Variants in ATP8A2 observed in about 807,000 individuals in gnomAD.
The protein encoded by ATP8A2 is ATPase phospholipid transporting 8A2, also known as phospholipid-transporting ATPase IB.
In ATP8A2, 100 loss-of-function variants were observed where a neutral mutation model predicts 165.6. That is an observed-to-expected ratio of 0.60 (90% CI 0.51 to 0.71). The LOEUF is 0.71. ATP8A2 is among the 30% of genes least tolerant of loss of function. The pLI is 0.00. For synonymous variants in ATP8A2, 543 were observed against 548.8 expected, an observed-to-expected ratio of 0.99 and a Z score of 0.15; for missense variants, 1,227 against 1,479.5, an observed-to-expected ratio of 0.83 and a Z score of 2.80.
intron 24 of ATP8A2, among the ~76,000 whole-genome samples, chr13:25,646,921 T>A (rs1771951403): frequency 6.6e-6 from 1 of 152,206 alleles, no homozygotes; most frequent in South Asian, 2.1e-4. Context: ...TTGTAGTTAC[T>A]ATAAGGTTCA....
At chr13:25,429,240 G>A (rs555374231) in intron 1 of ATP8A2, among the ~76,000 whole-genome samples, 1 of 151,810 alleles carries the variant, frequency 6.6e-6, no homozygotes, top group South Asian at 2.1e-4. Context: ...TGTGGTGGTG[G>A]GTATCTGTAA....
intron 27 of ATP8A2, among the ~76,000 whole-genome samples, chr13:25,817,148 C>T (rs948605548): frequency 3.3e-5 from 5 of 152,146 alleles, no homozygotes; most frequent in African/African-American, 1.2e-4. Flanking sequence ...CTCATTATTT[C>T]CTTACTGGTC....
intron 25 of ATP8A2, among the ~76,000 whole-genome samples, chr13:25,761,398 C>CT (rs1373537290): frequency 6.6e-6 from 1 of 152,100 alleles, no homozygotes; most frequent in Non-Finnish European, 1.5e-5. Flanking sequence ...GTTAAATAGT[C>CT]ATTTGTAGTG....
chr13:25,880,742 C>T (rs1952957327), intron 33 of ATP8A2, among the ~76,000 whole-genome samples: 1 of 152,184 alleles, frequency 6.6e-6, no homozygotes, highest in African/African-American at 2.4e-5. Flanking sequence ...CCTCACCTAT[C>T]CCTTCATGCC....
intron 2 of ATP8A2, among the ~76,000 whole-genome samples, chr13:25,474,870 G>T (rs1038413591): frequency 2.0e-5 from 3 of 151,296 alleles, no homozygotes; most frequent in African/African-American, 7.3e-5. Context: ...TCATTCTGTC[G>T]CCCAGGCTGG....
At chr13:26,018,664 G>A (rs1297207687) in intron 36 of ATP8A2, among the ~76,000 whole-genome samples, 1 of 152,174 alleles carries the variant, frequency 6.6e-6, no homozygotes, top group African/African-American at 2.4e-5. Flanking sequence ...CTGTGGGAAG[G>A]GCCAGTTGGA....
chr13:25,557,299 G>A (rs2039009247), intron 13 of ATP8A2, among the ~76,000 whole-genome samples: 1 of 152,166 alleles, frequency 6.6e-6, no homozygotes, highest in Non-Finnish European at 1.5e-5. Flanking sequence ...TGGTCACAAA[G>A]GGCTGAATAC....
chr13:25,831,103 G>A (rs186910498), intron 28 of ATP8A2, among the ~76,000 whole-genome samples: 32 of 151,982 alleles, frequency 2.1e-4, no homozygotes, highest in East Asian at 3.9e-4. Flanking sequence ...TGGGTTCTCC[G>A]CTGTCATTTT....
At chr13:25,988,640 C>A (rs994551492) in intron 35 of ATP8A2, among the ~76,000 whole-genome samples, 1 of 152,196 alleles carries the variant, frequency 6.6e-6, no homozygotes, top group Admixed American at 6.5e-5. Flanking sequence ...GTGCCCAGGA[C>A]TGCTAATTCA....
intron 35 of ATP8A2, among the ~76,000 whole-genome samples, chr13:26,008,916 C>CCAAAAATAAACCAAA (rs1956792242): frequency 6.6e-6 from 1 of 151,980 alleles, no homozygotes; most frequent in African/African-American, 2.4e-5. Context: ...ATAAAGTATT[C>CCAAAAATAAACCAAA]CTCTAAACCA....
chr13:25,836,598 C>T (rs1425979684), intron 28 of ATP8A2, among the ~76,000 whole-genome samples: 2 of 152,156 alleles, frequency 1.3e-5, no homozygotes, highest in African/African-American at 4.8e-5. Flanking sequence ...TGCCCCACTG[C>T]CCTCCTCCAC....
chr13:25,603,268 G>A (rs1447177215), intron 24 of ATP8A2, among the ~76,000 whole-genome samples: 1 of 151,814 alleles, frequency 6.6e-6, no homozygotes, highest in Non-Finnish European at 1.5e-5. Flanking sequence ...TGGTTGGGTC[G>A]CTTGAGCCCA....
chr13:25,892,187 C>G (rs1953384862), intron 33 of ATP8A2, among the ~76,000 whole-genome samples: 1 of 151,910 alleles, frequency 6.6e-6, no homozygotes, highest in South Asian at 2.1e-4. Context: ...CTGTGTTAGC[C>G]AGGATGGTCT....
intron 27 of ATP8A2, among the ~76,000 whole-genome samples, chr13:25,792,268 G>A (rs1388124174): frequency 6.6e-6 from 1 of 152,170 alleles, no homozygotes; most frequent in African/African-American, 2.4e-5. Context: ...CAGCCCAGAT[G>A]CAAACAATAA....
intron 24 of ATP8A2, among the ~76,000 whole-genome samples, chr13:25,676,351 G>A (rs542743607): frequency 1.3e-5 from 2 of 152,172 alleles, no homozygotes; most frequent in South Asian, 2.1e-4. Flanking sequence ...TCATATCTCA[G>A]TAGCTCTTCC....
chr13:25,771,978 G>C (rs1028341839), intron 26 of ATP8A2, among the ~76,000 whole-genome samples: 1 of 152,128 alleles, frequency 6.6e-6, no homozygotes, highest in Non-Finnish European at 1.5e-5. Flanking sequence ...TACCCTCAGG[G>C]TTATTATACT....
intron 33 of ATP8A2, among the ~76,000 whole-genome samples, chr13:25,890,479 G>T (rs1296124140): frequency 2.0e-5 from 3 of 152,166 alleles, no homozygotes; most frequent in Admixed American, 2.0e-4. Flanking sequence ...AGATGTACTG[G>T]AAGCATGAAC....
At chr13:25,456,623 A>T (rs903538683) in intron 1 of ATP8A2, among the ~76,000 whole-genome samples, 1 of 152,206 alleles carries the variant, frequency 6.6e-6, no homozygotes. Flanking sequence ...GCAGGCAGAG[A>T]ACCGTCGGAG....
At chr13:25,512,696 A>C (rs1593433114) in intron 2 of ATP8A2, among the ~76,000 whole-genome samples, 8 of 97,652 alleles carry the variant, frequency 8.2e-5, no homozygotes, top group Non-Finnish European at 1.0e-4. Context: ...TGACCCCCCA[A>C]CCTCCCTCCC....
Sources: gnomAD v4.1 joint callset for allele counts (sites outside exome capture counted in the v4.1 genomes callset) on GRCh38, gnomAD v4.1.1 for gene constraint, MANE v1.5 for transcripts, NCBI Gene and HGNC (gene_info 2026-07-23, HGNC 2026-07-21) for gene names.